TICRR: variants seen among roughly 807,000 people sequenced by gnomAD.
TICRR encodes the protein TOPBP1 interacting checkpoint and replication regulator.
TICRR carries 132 observed loss-of-function variants against 178.1 expected under a neutral mutation model. The observed-to-expected ratio is 0.74, with a 90% CI of 0.64 to 0.86. TICRR has a LOEUF of 0.86. Ranked by LOEUF, TICRR falls within the 40% of genes least tolerant of loss-of-function variation. The probability of loss-of-function intolerance (pLI) is 0.00; values close to 1 mark genes in which losing one functional copy is unlikely to be tolerated. For synonymous variants in TICRR, 991 were observed against 900.7 expected (o/e 1.10, Z -1.79); for missense variants, 2,587 against 2,334.3 (o/e 1.11, Z -2.23).
rs767260029 is a variant in TICRR, at chr15:89,585,726, G to C, written c.1195G>C (p.Gly399Arg). The C allele has an allele frequency of 6.2e-7, 1 of 1,613,986 alleles. No homozygotes were observed. Among genetic ancestry groups the C allele is most frequent in the African/African-American group, 1.3e-5 (1 of 75,002 alleles). The change falls in exon 4 of 22, where the codon GGT becomes CGT. Residue 399 changes from glycine to arginine, a missense_variant. Physicochemically the swap from Gly to Arg is moderately radical, Grantham distance 125 (BLOSUM62 -2). Coordinates refer to ENST00000268138, the MANE Select transcript of TICRR (RefSeq NM_152259.4). ...ELHLVADVDP[G>R]EGRPPITGVI... The stretch of plus-strand genomic sequence containing the variant: ...CACGTAGGTTGCTGATGTGGACCCT[G>C]GTGAAGGCCGGCCCCCCATCACTGG...
chr15:89,602,013 G>T (rs753760825), intron 12 of TICRR, 37 bp downstream of exon 12: 6 of 1,606,546 alleles, frequency 3.7e-6, no homozygotes, highest in Non-Finnish European at 4.3e-6. Flanking sequence ...TATTTGCACT[G>T]TTATAGTTCT....
At position 89,627,178 on chromosome 15, in the gene TICRR, C is replaced by T. The variant is rs1242793657; in HGVS notation, c.*92C>T. 2 of 1,506,586 alleles carry T rather than the reference C, an allele frequency of 1.3e-6. No homozygotes were observed. Among genetic ancestry groups the T allele is most frequent in the South Asian group, 1.2e-5 (1 of 85,582 alleles). The allele number at this position is 1,506,586 out of a possible 1,614,324, so 93.3% of individuals were successfully genotyped here. On this transcript the variant is annotated 3_prime_UTR_variant, in exon 22 of 22. Coordinates refer to ENST00000268138, the MANE Select transcript of TICRR (RefSeq NM_152259.4). Reference sequence around the variant, plus strand: ...GATGCCTGGTCCCAAGCCTCTTTTGCCATGGTCAGTGTTCAGATTGCCATT... The same window carrying T: ...GATGCCTGGTCCCAAGCCTCTTTTGTCATGGTCAGTGTTCAGATTGCCATT...
rs1221277937 is a variant in TICRR at position 89,618,258 on chromosome 15, T to C, written c.3019+48T>C. On this transcript the variant is annotated intron_variant, in intron 17 of 21. Transcript: ENST00000268138. ...TTTAATGCAATCTACCCAGCTTCTA[T>C]GAAAACCTTTCTGTATGTATTGTTA... The C allele has an allele frequency of 6.4e-6, 10 of 1,554,312 alleles. No individual in the cohort carries two copies. The South Asian group carries it at 1.0e-4, about 16-fold the overall frequency.
intron 15 of TICRR, among the ~76,000 whole-genome samples, chr15:89,611,064 A>C (rs1266176091): frequency 7.9e-5 from 12 of 151,668 alleles, no homozygotes; most frequent in Admixed American, 7.9e-4. Context: ...AAAAAAAAAC[A>C]AAATTACCAT....
chr15:89,578,538 A>G (rs957874979), intron 1 of TICRR, among the ~76,000 whole-genome samples: 1 of 152,218 alleles, frequency 6.6e-6, no homozygotes, highest in African/African-American at 2.4e-5. Flanking sequence ...TTGATATCAC[A>G]TCAAAGACTT....
At position 89,619,684 on chromosome 15, in the gene TICRR, C is replaced by T. The variant is rs1487335119; in HGVS notation, c.3020-24C>T. ...TCAAGCTTGTAGTTGTCTTTGGTTACTTACTGTGGTTCTGATTTTACAGAA... is the reference window on the plus strand; with the variant it reads ...TCAAGCTTGTAGTTGTCTTTGGTTATTTACTGTGGTTCTGATTTTACAGAA... On this transcript the variant is annotated intron_variant, in intron 17 of 21. Coordinates refer to ENST00000268138, the MANE Select transcript of TICRR (RefSeq NM_152259.4). 8 of 1,591,626 alleles carry T rather than the reference C, an allele frequency of 5.0e-6. No individual in the cohort carries two copies. In the Admixed American group the frequency reaches 1.3e-4, roughly 25 times the overall value.
Position 89,592,050 on chromosome 15 carries a change from C to T in TICRR, c.1415C>T (p.Ser472Phe). 1 of 1,606,824 alleles carries T rather than the reference C, an allele frequency of 6.2e-7. No individual in the cohort carries two copies. Among genetic ancestry groups the T allele is most frequent in the Non-Finnish European group, 8.5e-7 (1 of 1,174,570 alleles). The change falls in exon 5 of 22, where the codon TCT (serine) becomes TTT (phenylalanine). Residue 472 changes from serine (S) to phenylalanine (F), a missense_variant. Coordinates refer to ENST00000268138, the MANE Select transcript of TICRR (RefSeq NM_152259.4). ...CGCTGCTCCTTTGCTCCAATAGCTT[C>T]TCCTGTTCCAGAGTGGGCCCAGCAG... ...DSLADTASAA[S>F]PVPEWAQQEL...
In TICRR at chr15:89,620,911, G is replaced by A. The variant is rs1330362945; in HGVS notation, c.3155-482G>A. On this transcript the variant is annotated intron_variant, in intron 18 of 21. Coordinates refer to ENST00000268138, the MANE Select transcript of TICRR (RefSeq NM_152259.4). ...CTAAATTTTTTGTATTTTTAGTAGA[G>A]ACAGGTTTCACTGTGTTAGCCAGGA... 2.6e-5 allele frequency among the ~76,000 whole-genome samples: 4 copies of A among 151,386 alleles called. No homozygotes were observed. In the East Asian group the frequency reaches 7.8e-4, roughly 29 times the overall value.
In TICRR at chr15:89,624,962, CAG is replaced by C; in HGVS notation, c.4654_4655del (p.Asp1552LeufsTer8). On this transcript the variant is annotated frameshift_variant, in exon 20 of 22. Transcript: ENST00000268138. LOFTEE classifies it high-confidence loss of function. ...CTGCCAGCATCAGCTTGGCATTCCACAGACTCTGCCAGCCCACAGACCTATGA... is the reference window on the plus strand; with the variant it reads ...CTGCCAGCATCAGCTTGGCATTCCACACTCTGCCAGCCCACAGACCTATGA... 1 of 1,614,142 alleles carries C rather than the reference CAG, an allele frequency of 6.2e-7. No homozygotes were observed. The highest frequency in any genetic ancestry group is 8.5e-7 in the Non-Finnish European group (1 of 1,180,034).
chr15:89,585,733 G>C lies in TICRR; in HGVS notation c.1202G>C (p.Gly401Ala), dbSNP rs564080651. 6.2e-7 allele frequency: 1 copy of C among 1,614,022 alleles called. No homozygotes were observed. The highest frequency in any genetic ancestry group is 2.2e-5 in the East Asian group (1 of 44,874). ...HLVADVDPGE[G>A]RPPITGVISP... is the part of the protein sequence containing the mutation. Reference sequence around the variant, plus strand: ...GTTGCTGATGTGGACCCTGGTGAAGGCCGGCCCCCCATCACTGGAGTTATT... The same window carrying C: ...GTTGCTGATGTGGACCCTGGTGAAGCCCGGCCCCCCATCACTGGAGTTATT... The change falls in exon 4 of 22, where the codon GGC becomes GCC. Residue 401 changes from glycine to alanine, a missense_variant. Gly to Ala is a moderately conservative substitution (Grantham distance 60). Coordinates refer to ENST00000268138, the MANE Select transcript of TICRR (RefSeq NM_152259.4).
At position 89,624,230 on chromosome 15, in the gene TICRR, C is replaced by T. The variant is rs144056774; in HGVS notation, c.3920C>T (p.Thr1307Met). 5.0e-5 allele frequency: 80 copies of T among 1,614,202 alleles called. No homozygotes were observed. The African/African-American group carries it at 8.7e-4, about 17-fold the overall frequency. Residue 1307 changes from threonine to methionine, a missense_variant, in exon 20 of 22, where the codon ACG (threonine) becomes ATG (methionine). Coordinates refer to ENST00000268138, the MANE Select transcript of TICRR (RefSeq NM_152259.4). ...ACTGTGACTTCTTCCCCACCTGTTA[C>T]GCCAAAGAAACTGTTTACCTCTCCT... is the stretch of plus-strand genomic sequence containing the variant. ...NSTVTSSPPV[T>M]PKKLFTSPLC...
intron 8 of TICRR, 69 bp downstream of exon 8, chr15:89,599,544 G>A: frequency 6.6e-7 from 1 of 1,504,840 alleles, no homozygotes; most frequent in Non-Finnish European, 9.0e-7. Context: ...TGGTGGATTT[G>A]GTTAGTGTCT....
intron 7 of TICRR, among the ~76,000 whole-genome samples, chr15:89,599,094 C>T (rs978571072): frequency 3.3e-4 from 50 of 151,988 alleles, no homozygotes; most frequent in Non-Finnish European, 1.2e-4. Context: ...GATAATTCTT[C>T]GTTGTAGGGC....
At chr15:89,588,079 G>C (rs1596041620) in intron 4 of TICRR, among the ~76,000 whole-genome samples, 1 of 152,142 alleles carries the variant, frequency 6.6e-6, no homozygotes, top group Admixed American at 6.6e-5. Flanking sequence ...TAAGGGCTGG[G>C]ATGCCAAGGT....
intron 17 of TICRR, among the ~76,000 whole-genome samples, chr15:89,619,075 A>T (rs938400674): frequency 1.3e-5 from 2 of 152,234 alleles, no homozygotes; most frequent in South Asian, 4.1e-4. Flanking sequence ...GAAGCCAAAA[A>T]TTTTAAAGCA....
At position 89,596,639 on chromosome 15, in the gene TICRR, G is replaced by A. The variant is rs569834915; in HGVS notation, c.1900+1028G>A. On this transcript the variant is annotated intron_variant, in intron 7 of 21. Coordinates refer to ENST00000268138, the MANE Select transcript of TICRR (RefSeq NM_152259.4). ...TGGGATTACAAGTGTGAGCCACCGC[G>A]CCTGGCCTTATTTGGCTTTTCAAAG... 2.0e-5 allele frequency among the ~76,000 whole-genome samples: 3 copies of A among 152,186 alleles called. No homozygotes were observed. The East Asian group carries it at 5.8e-4, about 29-fold the overall frequency.
intron 19 of TICRR, among the ~76,000 whole-genome samples, chr15:89,622,846 G>A (rs994970336): frequency 2.0e-5 from 3 of 152,206 alleles, no homozygotes; most frequent in South Asian, 4.1e-4. Context: ...TTCCCCTGCC[G>A]ACACCCAAGC....
In TICRR at chr15:89,585,960, T is replaced by TAACTA. The variant is rs750477340; in HGVS notation, c.1411+20_1411+24dup. ...TTCTGCTGGTAAGCTCCTAAACTAG[T>TAACTA]AACTAACAGAGTCTAGGGTGGTTTG... On this transcript the variant is annotated intron_variant, in intron 4 of 21. Coordinates refer to ENST00000268138, the MANE Select transcript of TICRR (RefSeq NM_152259.4). 2 of 1,599,352 alleles carry TAACTA rather than the reference T, an allele frequency of 1.3e-6. No individual in the cohort carries two copies. Among genetic ancestry groups the TAACTA allele is most frequent in the Non-Finnish European group, 1.7e-6 (2 of 1,166,862 alleles).
chr15:89,576,860 T>TATATATATATATATAC (rs1555419112), intron 1 of TICRR, among the ~76,000 whole-genome samples: 2 of 128,624 alleles, frequency 1.6e-5, no homozygotes, highest in African/African-American at 3.1e-5. Context: ...TATATATATA[T>TATATATATATATATAC]ACACACACAC....
Sources: allele counts gnomAD v4.1 joint callset (sites outside exome capture counted in the v4.1 genomes callset), GRCh38; gene constraint gnomAD v4.1.1; transcripts MANE v1.5; gene names NCBI Gene and HGNC (gene_info 2026-07-23, HGNC 2026-07-21).